CCL28: variants seen among roughly 807,000 people sequenced by gnomAD.
CCL28 encodes the protein C-C motif chemokine 28.
CCL28 carries 4 observed loss-of-function variants against 7.1 expected under a neutral mutation model. The ratio of observed to expected loss-of-function variants is 0.56; its 90% CI spans 0.28 to 1.29. CCL28 has a LOEUF of 1.29. CCL28 is among the 50% of genes most tolerant of loss of function. The pLI, the probability that CCL28 is intolerant of heterozygous loss-of-function variation, is 0.11. For synonymous variants in CCL28, 55 were observed against 57.8 expected (o/e 0.95, Z 0.22); for missense variants, 151 against 163.4 (o/e 0.92, Z 0.41).
the CCL28 span, among the ~76,000 whole-genome samples, chr5:43,370,002 G>A: frequency 6.6e-6 from 1 of 152,186 alleles, no homozygotes; most frequent in East Asian, 1.9e-4. Flanking sequence ...ACTAGATCCT[G>A]TGATCCCAGC....
chr5:43,403,511 C>T (rs6859824), intron 1 of CCL28, among the ~76,000 whole-genome samples: 574 of 152,252 alleles, frequency 3.8e-3, no homozygotes, highest in African/African-American at 0.013. Context: ...CCCATCTGTA[C>T]GTCACCATCA....
intron 1 of CCL28, among the ~76,000 whole-genome samples, chr5:43,389,114 G>C (rs1308375305): frequency 6.6e-6 from 1 of 152,194 alleles, no homozygotes; most frequent in Non-Finnish European, 1.5e-5. Context: ...GGGGCTGGGG[G>C]GCTAAGGGAT....
chr5:43,407,728 T>C (rs186899115), intron 1 of CCL28, among the ~76,000 whole-genome samples: 2 of 151,878 alleles, frequency 1.3e-5, no homozygotes, highest in East Asian at 3.9e-4. Flanking sequence ...GGGAGAAAAA[T>C]TTTTACAATC....
Position 43,382,068 on chromosome 5 carries a change from G to A in CCL28, c.192-16C>T. On this transcript the variant is annotated splice_polypyrimidine_tract_variant and intron_variant, in intron 2 of 2. Coordinates refer to ENST00000361115, the MANE Select transcript of CCL28 (RefSeq NM_148672.3). ...GACATGAAGGCTGTTAGAAAAGGAA[G>A]CAAAAGAAAGTCACTGATATAAAAC... 6.3e-7 allele frequency: 1 copy of A among 1,595,362 alleles called. No homozygotes were observed.
In CCL28 at chr5:43,404,309, C is replaced by G. The variant is rs550849829; in HGVS notation, c.64+7944G>C. Among the ~76,000 whole-genome samples the G allele has an allele frequency of 2.0e-5, 3 of 152,306 alleles. No individual in the cohort carries two copies. The South Asian group carries it at 6.2e-4, about 32-fold the overall frequency. ...AGCCCATCAGACTAACAGCTGATCC[C>G]TCAGCAGAAACTCTACAAGCCAGAA... On this transcript the variant is annotated intron_variant, in intron 1 of 2. Transcript: ENST00000361115.
Position 43,381,988 on chromosome 5 carries a change from T to C in CCL28, c.256A>G (p.Lys86Glu), listed in dbSNP as rs1292708275. The C allele has an allele frequency of 6.2e-7, 1 of 1,614,120 alleles. No individual in the cohort carries two copies. The highest frequency in any genetic ancestry group is 8.5e-7 in the Non-Finnish European group (1 of 1,180,058). ...PHNHTVKQWM[K>E]VQAAKKNGKG... The stretch of plus-strand genomic sequence containing the variant: ...CCATTTTTCTTGGCAGCTTGCACTT[T>C]CATCCACTGCTTAACAGTATGGTTG... The change falls in exon 3 of 3, where the codon AAA (lysine) becomes GAA (glutamate). Residue 86 changes from lysine to glutamate, a missense_variant. Lys to Glu is a moderately conservative substitution (Grantham distance 56). Transcript: ENST00000361115.
At chr5:43,366,902 G>A in the CCL28 span, among the ~76,000 whole-genome samples, 1 of 152,236 alleles carries the variant, frequency 6.6e-6, no homozygotes, top group African/African-American at 2.4e-5. Flanking sequence ...GAGCTGCTGT[G>A]GGTTCCACCC....
At chr5:43,403,819 C>A (rs2111879801) in intron 1 of CCL28, among the ~76,000 whole-genome samples, 1 of 152,222 alleles carries the variant, frequency 6.6e-6, no homozygotes, top group South Asian at 2.1e-4. Flanking sequence ...CCTTAAAGGA[C>A]CTGATGGAGC....
intron 2 of CCL28, 78 bp downstream of exon 2, chr5:43,388,272 G>A: frequency 1.3e-6 from 2 of 1,546,952 alleles, no homozygotes; most frequent in South Asian, 2.3e-5. Context: ...ATCAAGCAAA[G>A]CCTTTCCAAC....
chr5:43,399,028 CA>C (rs1275096742), intron 1 of CCL28, among the ~76,000 whole-genome samples: 1 of 152,058 alleles, frequency 6.6e-6, no homozygotes, highest in Non-Finnish European at 1.5e-5. Flanking sequence ...TAGCTCTACC[CA>C]AATATTCTGA....
chr5:43,403,788 T>G (rs867956054), intron 1 of CCL28, among the ~76,000 whole-genome samples: 31 of 152,116 alleles, frequency 2.0e-4, no homozygotes, highest in Admixed American at 2.0e-4. Context: ...TGGCTAACTA[T>G]AATAACCAAT....
the CCL28 span, among the ~76,000 whole-genome samples, chr5:43,371,522 T>G: frequency 1.3e-5 from 2 of 152,230 alleles, no homozygotes; most frequent in African/African-American, 4.8e-5. Flanking sequence ...GGGATTCAGA[T>G]GCTATGTTGT....
At chr5:43,359,787 A>AT in the CCL28 span, among the ~76,000 whole-genome samples, 30 of 152,106 alleles carry the variant, frequency 2.0e-4, no homozygotes, top group Non-Finnish European at 3.4e-4. Context: ...GTCTTTTGAG[A>AT]TTTTTTTCAG....
downstream of CCL28, among the ~76,000 whole-genome samples, chr5:43,374,324 T>A (rs1739840890): frequency 6.6e-6 from 1 of 152,196 alleles, no homozygotes; most frequent in Non-Finnish European, 1.5e-5. Context: ...AGGAAGAGCA[T>A]AAGCATGGCA....
intron 1 of CCL28, among the ~76,000 whole-genome samples, chr5:43,410,420 C>T (rs1418831110): frequency 6.6e-6 from 1 of 152,210 alleles, no homozygotes; most frequent in Non-Finnish European, 1.5e-5. Flanking sequence ...ATGTGATTTT[C>T]CTGTGGCCTA....
chr5:43,401,166 C>T (rs1741019743), intron 1 of CCL28, among the ~76,000 whole-genome samples: 1 of 152,078 alleles, frequency 6.6e-6, no homozygotes, highest in African/African-American at 2.4e-5. Context: ...TTCTTGTGGA[C>T]CTCACACCTT....
intron 2 of CCL28, among the ~76,000 whole-genome samples, chr5:43,383,284 G>T (rs1222368043): frequency 6.6e-6 from 1 of 152,112 alleles, no homozygotes; most frequent in Non-Finnish European, 1.5e-5. Flanking sequence ...AATCCTGCTG[G>T]CTCTACATAT....
chr5:43,369,421 ATTTCT>A, the CCL28 span, among the ~76,000 whole-genome samples: 1,818 of 152,112 alleles, frequency 0.012, 48 homozygotes, highest in African/African-American at 0.042. Flanking sequence ...TTTAAATTTT[ATTTCT>A]TTTCTTTTCT....
At chr5:43,401,178 A>G (rs919220031) in intron 1 of CCL28, among the ~76,000 whole-genome samples, 3 of 152,222 alleles carry the variant, frequency 2.0e-5, no homozygotes, top group Admixed American at 6.5e-5. Context: ...TCACACCTTA[A>G]TGTAGCCAGA....
Sources: gnomAD v4.1 joint callset for allele counts (sites outside exome capture counted in the v4.1 genomes callset) on GRCh38, gnomAD v4.1.1 for gene constraint, MANE v1.5 for transcripts, NCBI Gene and HGNC (gene_info 2026-07-23, HGNC 2026-07-21) for gene names.